The following DSCAML1 variants were observed in gnomAD, a reference collection of about 807,000 sequenced individuals.
The protein encoded by DSCAML1 is DS cell adhesion molecule like 1.
Under a neutral mutation model 200.5 loss-of-function variants are expected in DSCAML1, and 38 were observed. That is an observed-to-expected ratio of 0.19 (90% confidence interval 0.15 to 0.25). DSCAML1 has a LOEUF of 0.25. DSCAML1 is among the 10% of genes least tolerant of loss of function. The pLI, the probability that DSCAML1 is intolerant of heterozygous loss-of-function variation, is 1.00. For synonymous variants in DSCAML1, 1,215 were observed against 1,165.0 expected, an observed-to-expected ratio of 1.04 and a Z score of -0.87; for missense variants, 2,223 against 2,858.8, an observed-to-expected ratio of 0.78 and a Z score of 5.07.
intron 3 of DSCAML1, among the ~76,000 whole-genome samples, chr11:117,739,487 G>T (rs923800748): frequency 1.3e-5 from 2 of 152,200 alleles, no homozygotes; most frequent in African/African-American, 4.8e-5. Context: ...CAGATAAAAG[G>T]ACTTTAATCC....
chr11:117,581,444 CT>C (rs2051037917), intron 3 of DSCAML1, among the ~76,000 whole-genome samples: 1 of 152,188 alleles, frequency 6.6e-6, no homozygotes, highest in African/African-American at 2.4e-5. Context: ...CTTCGTGTCC[CT>C]GTTGTCGGCC....
At chr11:117,479,649 C>CT (rs755839320) in intron 14 of DSCAML1, among the ~76,000 whole-genome samples, 14 of 152,038 alleles carry the variant, frequency 9.2e-5, no homozygotes, top group African/African-American at 2.7e-4. Flanking sequence ...CTGGGAAGGG[C>CT]TTTTTTTGTT....
chr11:117,494,906 C>G (rs1389861846), intron 11 of DSCAML1, among the ~76,000 whole-genome samples: 2 of 152,158 alleles, frequency 1.3e-5, no homozygotes, highest in African/African-American at 4.8e-5. Flanking sequence ...GGCAAAGAAG[C>G]CTTCTTGCCT....
intron 3 of DSCAML1, among the ~76,000 whole-genome samples, chr11:117,677,543 C>T (rs2053236740): frequency 6.6e-6 from 1 of 151,832 alleles, no homozygotes; most frequent in East Asian, 1.9e-4. Context: ...GGTTCTGTGG[C>T]TGCGGGGCAG....
Position 117,612,949 on chromosome 11 carries a change from T to C in DSCAML1, c.512-80427A>G, listed in dbSNP as rs148996273. Among the ~76,000 whole-genome samples, 421 of 152,226 alleles carry C rather than the reference T, an allele frequency of 2.8e-3. 3 individuals carry two copies. Among genetic ancestry groups the C allele is most frequent in the African/African-American group, 9.5e-3 (394 of 41,544 alleles). ...GGCTTTGTGACCTTGGGCAAGTCACTTTCCATCCCTGATTGGGCCACTGAT... is the reference window on the plus strand; with the variant it reads ...GGCTTTGTGACCTTGGGCAAGTCACCTTCCATCCCTGATTGGGCCACTGAT... On this transcript the variant is annotated intron_variant, in intron 3 of 32. Coordinates refer to ENST00000651296, the MANE Select transcript of DSCAML1 (RefSeq NM_020693.4).
chr11:117,721,255 T>G (rs1330174777), intron 3 of DSCAML1, among the ~76,000 whole-genome samples: 5 of 152,258 alleles, frequency 3.3e-5, no homozygotes, highest in Non-Finnish European at 7.3e-5. Context: ...ACAGCCTGGA[T>G]AGCTAGAAAG....
intron 4 of DSCAML1, among the ~76,000 whole-genome samples, chr11:117,530,578 G>A (rs1485910263): frequency 6.6e-6 from 1 of 152,208 alleles, no homozygotes; most frequent in African/African-American, 2.4e-5. Context: ...TCGGCACCTC[G>A]TGTGTGTTAG....
chr11:117,742,233 A>G (rs780819909), intron 3 of DSCAML1, among the ~76,000 whole-genome samples: 1 of 152,208 alleles, frequency 6.6e-6, no homozygotes, highest in Non-Finnish European at 1.5e-5. Flanking sequence ...GGAGGCCCAT[A>G]GTGGTGAAAT....
Position 117,489,748 on chromosome 11 carries a change from G to C in DSCAML1, c.2360-7586C>G, listed in dbSNP as rs1237726371. Among the ~76,000 whole-genome samples, 1 of 152,186 alleles carries C rather than the reference G, an allele frequency of 6.6e-6. No individual in the cohort carries two copies. Among genetic ancestry groups the C allele is most frequent in the Non-Finnish European group, 1.5e-5 (1 of 68,020 alleles). On this transcript the variant is annotated intron_variant, in intron 11 of 32. Coordinates refer to ENST00000651296, the MANE Select transcript of DSCAML1 (RefSeq NM_020693.4). The surrounding 1 kb of genome is among the most constrained non-coding windows in gnomAD (Gnocchi z 4.8). ...AGGAGGCTTCCTGATGACTTCCAGG[G>C]CTCTTCCCTGACACCCCACATTGCA...
chr11:117,539,298 C>CAGTT (rs1429165125), intron 3 of DSCAML1, among the ~76,000 whole-genome samples: 1 of 152,068 alleles, frequency 6.6e-6, no homozygotes, highest in Admixed American at 6.6e-5. Flanking sequence ...CTACTACAAC[C>CAGTT]AGTTAGACCT....
intron 3 of DSCAML1, among the ~76,000 whole-genome samples, chr11:117,737,746 G>C (rs1391050690): frequency 6.6e-6 from 1 of 152,226 alleles, no homozygotes; most frequent in Non-Finnish European, 1.5e-5. Flanking sequence ...TCACTGAGGA[G>C]ATACATTCGC....
intron 3 of DSCAML1, among the ~76,000 whole-genome samples, chr11:117,567,148 C>A (rs960509155): frequency 1.3e-5 from 2 of 152,168 alleles, no homozygotes; most frequent in African/African-American, 4.8e-5. Context: ...CCTGAGGAAT[C>A]GCCACACTGA....
At chr11:117,593,773 G>A (rs996235683) in intron 3 of DSCAML1, among the ~76,000 whole-genome samples, 3 of 150,160 alleles carry the variant, frequency 2.0e-5, no homozygotes, top group Admixed American at 6.6e-5. Flanking sequence ...GTGCAGTGGC[G>A]TGATCTCGGC....
intron 3 of DSCAML1, among the ~76,000 whole-genome samples, chr11:117,640,647 T>C (rs1330461563): frequency 2.0e-5 from 3 of 152,210 alleles, no homozygotes. Flanking sequence ...TCACGCCTTC[T>C]TGTCCCCGCC....
chr11:117,689,865 G>C (rs942423757), intron 3 of DSCAML1, among the ~76,000 whole-genome samples: 1 of 152,138 alleles, frequency 6.6e-6, no homozygotes, highest in Non-Finnish European at 1.5e-5. Context: ...TCAGACAAAC[G>C]ACACCCCTGA....
At chr11:117,483,621 C>T (rs1033603954) in intron 11 of DSCAML1, among the ~76,000 whole-genome samples, 22 of 152,200 alleles carry the variant, frequency 1.4e-4, no homozygotes, top group African/African-American at 5.3e-4. Context: ...AAATGCACGG[C>T]CCCTGACCCA....
In DSCAML1 at chr11:117,607,594, G is replaced by T. The variant is rs548328859; in HGVS notation, c.512-75072C>A. On this transcript the variant is annotated intron_variant, in intron 3 of 32. Coordinates refer to ENST00000651296, the MANE Select transcript of DSCAML1 (RefSeq NM_020693.4). Reference sequence around the variant, plus strand: ...GGCACCCAGAGACCAGTAGCCAGTCGCAGGCGGATCCACAGCTCCCCAGTG... The same window carrying T: ...GGCACCCAGAGACCAGTAGCCAGTCTCAGGCGGATCCACAGCTCCCCAGTG... Among the ~76,000 whole-genome samples, 27 of 152,316 alleles carry T rather than the reference G, an allele frequency of 1.8e-4. No homozygotes were observed. The South Asian group carries it at 4.8e-3, about 27-fold the overall frequency.
chr11:117,651,540 C>T (rs914601028), intron 3 of DSCAML1, among the ~76,000 whole-genome samples: 1 of 150,620 alleles, frequency 6.6e-6, no homozygotes, highest in African/African-American at 2.4e-5. Flanking sequence ...CCTGTCTCTA[C>T]TAAAAATACA....
chr11:117,704,618 C>T (rs2053726429), intron 3 of DSCAML1, among the ~76,000 whole-genome samples: 1 of 152,166 alleles, frequency 6.6e-6, no homozygotes, highest in Non-Finnish European at 1.5e-5. Flanking sequence ...TCGCACTTAG[C>T]ATTCCTCCCA....
Sources: allele counts gnomAD v4.1 joint callset (sites outside exome capture counted in the v4.1 genomes callset), GRCh38; gene constraint gnomAD v4.1.1; non-coding constraint Gnocchi (gnomAD v3.1); transcripts MANE v1.5; gene names NCBI Gene and HGNC (gene_info 2026-07-23, HGNC 2026-07-21).